Variants in CHLSN observed in about 807,000 individuals in gnomAD.
CHLSN encodes protein cholesin.
At chr7:1,092,743 A>C in the CHLSN span, 1 of 1,613,640 alleles carries the variant, frequency 6.2e-7, no homozygotes, top group Non-Finnish European at 8.5e-7. Flanking sequence ...GAGGCTGTAC[A>C]TTGAGCAGAA....
chr7:981,710 C>A, the CHLSN span, among the ~76,000 whole-genome samples: 1 of 151,874 alleles, frequency 6.6e-6, no homozygotes, highest in Non-Finnish European at 1.5e-5. Context: ...GAGATTCCGT[C>A]TCAAAAACAA....
the CHLSN span, among the ~76,000 whole-genome samples, chr7:1,070,911 CACACACAGCACGCACAG>C: frequency 7.4e-4 from 93 of 125,252 alleles, 4 homozygotes; most frequent in African/African-American, 2.5e-3. Context: ...CATGCACGCA[CACACACAGCACGCACAG>C]ACACGCACAC....
the CHLSN span, chr7:997,647 T>A: frequency 6.8e-6 from 11 of 1,608,062 alleles, no homozygotes; most frequent in Admixed American, 1.7e-5. Flanking sequence ...CTGCAGCACC[T>A]GTCGGATGCG....
At chr7:1,013,480 G>C in the CHLSN span, among the ~76,000 whole-genome samples, 27 of 152,220 alleles carry the variant, frequency 1.8e-4, no homozygotes, top group Non-Finnish European at 1.5e-5. Context: ...GTGACTCCAG[G>C]CTCCTGCCGG....
chr7:1,135,301 A>G, the CHLSN span, among the ~76,000 whole-genome samples: 1 of 150,688 alleles, frequency 6.6e-6, no homozygotes, highest in Non-Finnish European at 1.5e-5. Flanking sequence ...CTTCAACTAC[A>G]CGCCAACTCA....
chr7:978,216 G>T, the CHLSN span, among the ~76,000 whole-genome samples: 1 of 152,130 alleles, frequency 6.6e-6, no homozygotes, highest in African/African-American at 2.4e-5. Flanking sequence ...GCAGTTCACC[G>T]GTGTAAAAAG....
chr7:1,016,625 A>C, the CHLSN span, among the ~76,000 whole-genome samples: 2 of 129,234 alleles, frequency 1.5e-5, no homozygotes, highest in Non-Finnish European at 3.3e-5. Context: ...ACGCCAGAGC[A>C]CAGTAGCGCA....
At chr7:1,127,385 T>A in the CHLSN span, 2 of 1,602,896 alleles carry the variant, frequency 1.2e-6, no homozygotes, top group East Asian at 4.5e-5. Context: ...TGTTTTGCCA[T>A]CCTGCAACAG....
At chr7:1,124,360 CTT>C in the CHLSN span, among the ~76,000 whole-genome samples, 1 of 151,532 alleles carries the variant, frequency 6.6e-6, no homozygotes, top group Non-Finnish European at 1.5e-5. Flanking sequence ...CCAGAAGCCT[CTT>C]GACTCAACTC....
the CHLSN span, among the ~76,000 whole-genome samples, chr7:1,009,329 CAG>C: frequency 1.3e-5 from 2 of 152,322 alleles, no homozygotes; most frequent in South Asian, 2.1e-4. Flanking sequence ...AGTCAGCACT[CAG>C]GGAGACGGAC....
the CHLSN span, among the ~76,000 whole-genome samples, chr7:1,109,767 G>A: frequency 6.6e-6 from 1 of 151,832 alleles, no homozygotes; most frequent in East Asian, 1.9e-4. Context: ...CCCGCCCGCC[G>A]GGCCCTGGGG....
chr7:1,021,450 A>C, the CHLSN span: 1 of 985,490 alleles, frequency 1.0e-6, no homozygotes, highest in Non-Finnish European at 1.2e-6. Context: ...TCATCCATTA[A>C]GTCTGATCGG....
chr7:1,060,446 T>C, the CHLSN span, among the ~76,000 whole-genome samples: 7 of 152,168 alleles, frequency 4.6e-5, no homozygotes, highest in Non-Finnish European at 1.0e-4. Flanking sequence ...CCCCACAGCC[T>C]GAACGCGCTG....
the CHLSN span, among the ~76,000 whole-genome samples, chr7:1,002,472 G>A: frequency 4.5e-5 from 5 of 110,548 alleles, no homozygotes; most frequent in Non-Finnish European, 3.8e-5. Flanking sequence ...GGTGAGTGGA[G>A]TCCTGTGGGT....
the CHLSN span, among the ~76,000 whole-genome samples, chr7:1,006,179 C>T: frequency 2.6e-5 from 4 of 152,162 alleles, no homozygotes; most frequent in Admixed American, 2.0e-4. Flanking sequence ...GCTTCCAGCA[C>T]TCCCAAACTT....
At chr7:1,080,640 AAGG>A in the CHLSN span, among the ~76,000 whole-genome samples, 2 of 152,248 alleles carry the variant, frequency 1.3e-5, no homozygotes, top group Non-Finnish European at 2.9e-5. Flanking sequence ...TGAAAGCCAA[AAGG>A]AGTATTTTAC....
the CHLSN span, among the ~76,000 whole-genome samples, chr7:1,130,844 A>T: frequency 6.6e-6 from 1 of 152,266 alleles, no homozygotes; most frequent in Non-Finnish European, 1.5e-5. Context: ...ACACCCACAA[A>T]GGACCACGTC....
chr7:1,010,635 A>G, the CHLSN span, among the ~76,000 whole-genome samples: 1 of 152,092 alleles, frequency 6.6e-6, no homozygotes, highest in Non-Finnish European at 1.5e-5. Context: ...CCTGGGCTGC[A>G]GGCTGGGGAC....
At chr7:995,685 C>A in the CHLSN span, among the ~76,000 whole-genome samples, 151 of 152,376 alleles carry the variant, frequency 9.9e-4, no homozygotes, top group African/African-American at 3.5e-3. Flanking sequence ...GCAGCCGGAT[C>A]GCAGGCACCG....
Sources: allele counts gnomAD v4.1 joint callset (sites outside exome capture counted in the v4.1 genomes callset), GRCh38; gene constraint gnomAD v4.1.1; transcripts MANE v1.5; gene names NCBI Gene and HGNC (gene_info 2026-07-23, HGNC 2026-07-21).